Variants in RALGPS1 observed in about 807,000 individuals in gnomAD.
RALGPS1 encodes Ral GEF with PH domain and SH3 binding motif 1.
Under a neutral mutation model 78.8 loss-of-function variants are expected in RALGPS1, and 19 were observed. The observed-to-expected ratio is 0.24, with a 90% CI of 0.17 to 0.35. RALGPS1 has a LOEUF of 0.35. Among genes scored for constraint, RALGPS1 ranks in the 10% least tolerant of loss-of-function variants. The pLI is 1.00. For missense variants in RALGPS1, 454 were observed against 688.3 expected, an observed-to-expected ratio of 0.66 and a Z score of 3.81; for synonymous variants, 228 against 256.3, an observed-to-expected ratio of 0.89 and a Z score of 1.06.
At chr9:127,176,680 T>G (rs1168372434) in intron 11 of RALGPS1, among the ~76,000 whole-genome samples, 2 of 152,180 alleles carry the variant, frequency 1.3e-5, no homozygotes, top group East Asian at 3.9e-4. Flanking sequence ...TGCCAAGAAG[T>G]CTCCATGCCA....
intron 8 of RALGPS1, among the ~76,000 whole-genome samples, chr9:127,160,319 C>G (rs770603704): frequency 1.1e-4 from 17 of 152,192 alleles, no homozygotes; most frequent in Admixed American, 4.6e-4. Context: ...TGGTGGGGAG[C>G]CTGTATTCAC....
chr9:127,222,004 T>G lies in RALGPS1; in HGVS notation c.*3235T>G, dbSNP rs190354913. The G allele has an allele frequency of 1.3e-5, 2 of 152,354 alleles. No individual in the cohort carries two copies. Among genetic ancestry groups the G allele is most frequent in the Admixed American group, 1.3e-4 (2 of 15,308 alleles). The allele number at this position is 152,354 out of a possible 1,614,324, so 9.4% of individuals were successfully genotyped here. On this transcript the variant is annotated 3_prime_UTR_variant, in exon 19 of 19. Coordinates refer to ENST00000259351, the MANE Select transcript of RALGPS1 (RefSeq NM_014636.3). The stretch of plus-strand genomic sequence containing the variant: ...TGACTTAAATCAGCTTTACATCATT[T>G]TTACATATCAAGTGGTTTCATGTTA...
chr9:126,953,427 G>A (rs2038051617), intron 1 of RALGPS1, among the ~76,000 whole-genome samples: 1 of 152,046 alleles, frequency 6.6e-6, no homozygotes, highest in African/African-American at 2.4e-5. Context: ...AGAGGCAGAA[G>A]GAGGGTGGAA....
chr9:127,044,861 C>T (rs947274228), intron 5 of RALGPS1, among the ~76,000 whole-genome samples: 4 of 152,192 alleles, frequency 2.6e-5, no homozygotes, highest in Non-Finnish European at 4.4e-5. Flanking sequence ...TGCCTTTTCT[C>T]TTTTCTTCCT....
At chr9:126,918,115 G>A (rs990960944) in intron 1 of RALGPS1, among the ~76,000 whole-genome samples, 1 of 152,154 alleles carries the variant, frequency 6.6e-6, no homozygotes, top group African/African-American at 2.4e-5. Context: ...TATGGTTTCT[G>A]TACCCTTAAC....
At chr9:127,160,414 G>A (rs910148242) in intron 8 of RALGPS1, among the ~76,000 whole-genome samples, 3 of 152,202 alleles carry the variant, frequency 2.0e-5, no homozygotes, top group Non-Finnish European at 4.4e-5. Flanking sequence ...CGAGGTGAGA[G>A]CTGCCCACTC....
chr9:126,919,007 G>T (rs1036347323), intron 1 of RALGPS1, among the ~76,000 whole-genome samples: 5 of 152,178 alleles, frequency 3.3e-5, no homozygotes, highest in African/African-American at 1.2e-4. Flanking sequence ...GAGGGAATAA[G>T]TTGTAAGTGT....
At chr9:127,103,902 T>G (rs1223168963) in intron 8 of RALGPS1, among the ~76,000 whole-genome samples, 1 of 152,140 alleles carries the variant, frequency 6.6e-6, no homozygotes, top group Admixed American at 6.5e-5. Context: ...GTGTGCAATA[T>G]CCAGAGTAGT....
chr9:126,958,473 T>A (rs987807103), intron 1 of RALGPS1, among the ~76,000 whole-genome samples: 2 of 152,156 alleles, frequency 1.3e-5, no homozygotes, highest in African/African-American at 4.8e-5. Context: ...CTTTTGTCGC[T>A]CTAAATTTGC....
At chr9:127,137,414 A>G (rs936817172) in intron 8 of RALGPS1, among the ~76,000 whole-genome samples, 1 of 152,208 alleles carries the variant, frequency 6.6e-6, no homozygotes. Context: ...CCTGAGCCAC[A>G]TGGAGAGGCT....
At chr9:127,186,072 G>C (rs759381810) in intron 11 of RALGPS1, among the ~76,000 whole-genome samples, 4 of 152,162 alleles carry the variant, frequency 2.6e-5, no homozygotes, top group Admixed American at 6.5e-5. Context: ...TCCACTCCAA[G>C]GCTGTTGTTA....
At chr9:126,938,010 C>T (rs1210068384) in intron 1 of RALGPS1, among the ~76,000 whole-genome samples, 1 of 152,058 alleles carries the variant, frequency 6.6e-6, no homozygotes, top group Non-Finnish European at 1.5e-5. Flanking sequence ...CTGAATTGTT[C>T]AACTTTTGGG....
intron 8 of RALGPS1, among the ~76,000 whole-genome samples, chr9:127,071,975 A>G (rs1001484448): frequency 6.2e-4 from 94 of 152,268 alleles, no homozygotes; most frequent in African/African-American, 2.1e-3. Flanking sequence ...ATTTCCCTCT[A>G]GCTAACCCTC....
At chr9:127,010,120 C>A (rs2044210543) in intron 4 of RALGPS1, among the ~76,000 whole-genome samples, 1 of 152,132 alleles carries the variant, frequency 6.6e-6, no homozygotes, top group Non-Finnish European at 1.5e-5. Context: ...GTGAGTCTGG[C>A]AAGCCAACTT....
intron 11 of RALGPS1, among the ~76,000 whole-genome samples, chr9:127,194,136 G>A (rs2061226385): frequency 6.6e-6 from 1 of 152,228 alleles, no homozygotes; most frequent in Non-Finnish European, 1.5e-5. Flanking sequence ...AATAAATTAA[G>A]TATGAGGGCT....
At chr9:127,121,899 TC>T (rs1432464991) in intron 8 of RALGPS1, among the ~76,000 whole-genome samples, 2 of 152,134 alleles carry the variant, frequency 1.3e-5, no homozygotes, top group African/African-American at 4.8e-5. Context: ...GGCATAGGAA[TC>T]CAAAGCTTCA....
At chr9:127,107,191 A>G (rs2054299229) in intron 8 of RALGPS1, 1 of 152,230 alleles carries the variant, frequency 6.6e-6, no homozygotes, top group African/African-American at 2.4e-5. Context: ...CCTATTAGCA[A>G]GTTATTCATC....
intron 11 of RALGPS1, among the ~76,000 whole-genome samples, chr9:127,187,151 AAGGAAC>A (rs2060702990): frequency 6.6e-6 from 1 of 152,230 alleles, no homozygotes. Flanking sequence ...CATAGGAGTC[AAGGAAC>A]AGGACTTGGA....
chr9:127,185,015 C>T (rs2060546739), intron 11 of RALGPS1, among the ~76,000 whole-genome samples: 1 of 152,208 alleles, frequency 6.6e-6, no homozygotes, highest in South Asian at 2.1e-4. Flanking sequence ...CCTCCGCAGC[C>T]ATGAGCACTA....
Sources: gnomAD v4.1 joint callset for allele counts (sites outside exome capture counted in the v4.1 genomes callset) on GRCh38, gnomAD v4.1.1 for gene constraint, MANE v1.5 for transcripts, NCBI Gene and HGNC (gene_info 2026-07-23, HGNC 2026-07-21) for gene names.